ILRUN: variants seen among roughly 807,000 people sequenced by gnomAD.
The protein encoded by ILRUN is inflammation and lipid regulator with UBA-like and NBR1-like domains.
Under a neutral mutation model 33.8 loss-of-function variants are expected in ILRUN, and 3 were observed. The observed-to-expected ratio is 0.09, with a 90% CI of 0.04 to 0.23. The LOEUF (loss-of-function observed/expected upper bound fraction) is 0.23, where lower values mean the gene tolerates loss of function less well. ILRUN is among the 10% of genes least tolerant of loss of function. ILRUN has a pLI of 1.00. For missense variants in ILRUN, 210 were observed against 375.1 expected, an observed-to-expected ratio of 0.56 and a Z score of 3.64; for synonymous variants, 124 against 138.9, an observed-to-expected ratio of 0.89 and a Z score of 0.75.
chr6:34,696,162 C>G (rs1763766455), intron 1 of ILRUN, among the ~76,000 whole-genome samples: 1 of 152,188 alleles, frequency 6.6e-6, no homozygotes, highest in South Asian at 2.1e-4. Flanking sequence ...TTCCCCTCAT[C>G]CCACGTCCCT....
At chr6:34,625,846 C>CT (rs58219612) in intron 3 of ILRUN, among the ~76,000 whole-genome samples, 1,831 of 114,216 alleles carry the variant, frequency 0.016, 30 homozygotes, top group Middle Eastern at 0.027. Flanking sequence ...TATTGAAAGG[C>CT]TTTTTTTTTT....
chr6:34,682,116 G>A (rs9469843), intron 1 of ILRUN, among the ~76,000 whole-genome samples: 25,006 of 146,692 alleles, frequency 0.17, 2,884 homozygotes, highest in African/African-American at 0.33. Context: ...TTCATGATCC[G>A]CCCGCCTGGC....
At chr6:34,635,942 T>G (rs150145802) in intron 3 of ILRUN, among the ~76,000 whole-genome samples, 5 of 152,162 alleles carry the variant, frequency 3.3e-5, no homozygotes, top group Non-Finnish European at 7.4e-5. Context: ...AAGAAGAAAC[T>G]GGAAGGGCAT....
intron 2 of ILRUN, among the ~76,000 whole-genome samples, chr6:34,653,018 C>G (rs1391173488): frequency 4.0e-5 from 6 of 150,650 alleles, no homozygotes; most frequent in African/African-American, 1.5e-4. Context: ...TGCGGTGGCT[C>G]ACATCTGTAA....
At chr6:34,652,975 C>G (rs925278599) in intron 2 of ILRUN, among the ~76,000 whole-genome samples, 9 of 151,568 alleles carry the variant, frequency 5.9e-5, no homozygotes, top group Non-Finnish European at 1.0e-4. Flanking sequence ...AACCCTATTT[C>G]TACAAAAACT....
intron 1 of ILRUN, among the ~76,000 whole-genome samples, chr6:34,684,187 T>C (rs903782765): frequency 6.6e-6 from 1 of 152,098 alleles, no homozygotes; most frequent in African/African-American, 2.4e-5. Flanking sequence ...AGCAGGGCAA[T>C]ATTTAAGGCA....
intron 3 of ILRUN, among the ~76,000 whole-genome samples, chr6:34,643,903 G>A (rs1026255152): frequency 6.6e-6 from 1 of 152,076 alleles, no homozygotes; most frequent in African/African-American, 2.4e-5. Context: ...GATTCCACTA[G>A]GTTGGCCAGG....
At chr6:34,683,443 T>TATATATACATATATATATAC (rs1562032912) in intron 1 of ILRUN, among the ~76,000 whole-genome samples, 6 of 73,312 alleles carry the variant, frequency 8.2e-5, no homozygotes, top group South Asian at 3.9e-4. Context: ...TATATATACA[T>TATATATACATATATATATAC]ATATATATAC....
In ILRUN at chr6:34,589,372, C is replaced by CTAAATG. The variant is rs951380696; in HGVS notation, c.*1187_*1192dup. On this transcript the variant is annotated 3_prime_UTR_variant, in exon 5 of 5. Coordinates refer to ENST00000374023, the MANE Select transcript of ILRUN (RefSeq NM_024294.4). The stretch of plus-strand genomic sequence containing the variant: ...GCTGTGGAGGTCCTCTCATTTCCAT[C>CTAAATG]TAAATGTGGTCTCCAAGATCAAGTA... 1 of 152,302 alleles carries CTAAATG rather than the reference C, an allele frequency of 6.6e-6. No individual in the cohort carries two copies. The highest frequency in any genetic ancestry group is 2.4e-5 in the African/African-American group (1 of 41,470). 9.4% of individuals were successfully genotyped at this position (152,302 alleles called of 1,614,324 possible).
chr6:34,619,073 T>G (rs1468881290), intron 3 of ILRUN, among the ~76,000 whole-genome samples: 1 of 152,108 alleles, frequency 6.6e-6, no homozygotes, highest in Non-Finnish European at 1.5e-5. Flanking sequence ...AGCAGTCAGT[T>G]TCAGCGGAGT....
At chr6:34,683,492 A>G (rs1158430089) in intron 1 of ILRUN, among the ~76,000 whole-genome samples, 2 of 93,796 alleles carry the variant, frequency 2.1e-5, no homozygotes, top group African/African-American at 6.4e-5. Context: ...ATATACATAT[A>G]TATATACATA....
intron 3 of ILRUN, among the ~76,000 whole-genome samples, chr6:34,618,226 G>C (rs1209137337): frequency 6.6e-6 from 1 of 152,186 alleles, no homozygotes; most frequent in Non-Finnish European, 1.5e-5. Context: ...GACAGACACA[G>C]ATAAAGACAA....
chr6:34,626,250 T>C (rs932475885), intron 3 of ILRUN, among the ~76,000 whole-genome samples: 5 of 152,180 alleles, frequency 3.3e-5, no homozygotes, highest in East Asian at 1.9e-4. Flanking sequence ...CAGCTCACTG[T>C]AGTCTTGACC....
At chr6:34,591,659 C>T (rs1761296273) in intron 4 of ILRUN, among the ~76,000 whole-genome samples, 1 of 152,118 alleles carries the variant, frequency 6.6e-6, no homozygotes, top group South Asian at 2.1e-4. Context: ...GCCAACACGC[C>T]TGGCTAATTT....
chr6:34,668,182 G>C (rs1279264622), intron 1 of ILRUN, among the ~76,000 whole-genome samples: 1 of 152,162 alleles, frequency 6.6e-6, no homozygotes, highest in Non-Finnish European at 1.5e-5. Flanking sequence ...ATGTAGAATG[G>C]TAATTACTTT....
At chr6:34,621,133 G>A (rs1762005466) in intron 3 of ILRUN, among the ~76,000 whole-genome samples, 1 of 152,096 alleles carries the variant, frequency 6.6e-6, no homozygotes, top group Admixed American at 6.5e-5. Context: ...ACAAAAAGGG[G>A]GAAATCAAAC....
chr6:34,619,731 C>G (rs2127338488), intron 3 of ILRUN, among the ~76,000 whole-genome samples: 1 of 152,260 alleles, frequency 6.6e-6, no homozygotes, highest in African/African-American at 2.4e-5. Flanking sequence ...TGGCTCACGC[C>G]TGTAATACTT....
In ILRUN at chr6:34,696,685, G is replaced by A. The variant is rs1180328986; in HGVS notation, c.-82C>T. On this transcript the variant is annotated 5_prime_UTR_variant, in exon 1 of 5. Coordinates refer to ENST00000374023, the MANE Select transcript of ILRUN (RefSeq NM_024294.4). ...GCCGGGCCCGGGGACCTGGAGGGGG[G>A]CCGCTGCTAGCTAGCTTCGCGACCC... The A allele has an allele frequency of 3.4e-6, 5 of 1,480,878 alleles. No homozygotes were observed. The East Asian group carries it at 9.2e-5, about 27-fold the overall frequency. 91.7% of individuals were successfully genotyped at this position (1,480,878 alleles called of 1,614,324 possible). A position where few individuals can be genotyped will look rare whatever the true frequency, so the allele number is the denominator to read the frequency against.
chr6:34,646,777 C>G lies in ILRUN; in HGVS notation c.335G>C (p.Gly112Ala). ...QNSGAEAWPP[G>A]VCLKYVGGDQ... is the part of the protein sequence containing the mutation. ...TCCCCCGACATATTTAAGACAAACCCCTGGAGGCCAGGCCTCTGCCCCTGA... is the reference window on the plus strand; with the variant it reads ...TCCCCCGACATATTTAAGACAAACCGCTGGAGGCCAGGCCTCTGCCCCTGA... The change falls in exon 3 of 5, where the codon GGG becomes GCG. Residue 112 changes from glycine to alanine, a missense_variant. Coordinates refer to ENST00000374023, the MANE Select transcript of ILRUN (RefSeq NM_024294.4). The surrounding 1 kb of genome is among the most constrained non-coding windows in gnomAD (Gnocchi z 4.9). 1 of 1,614,048 alleles carries G rather than the reference C, an allele frequency of 6.2e-7. No homozygotes were observed. Among genetic ancestry groups the G allele is most frequent in the Non-Finnish European group, 8.5e-7 (1 of 1,180,024 alleles).
Sources: allele counts gnomAD v4.1 joint callset (sites outside exome capture counted in the v4.1 genomes callset), GRCh38; gene constraint gnomAD v4.1.1; non-coding constraint Gnocchi (gnomAD v3.1); transcripts MANE v1.5; gene names NCBI Gene and HGNC (gene_info 2026-07-23, HGNC 2026-07-21).